Variants in LDLRAD4 observed in about 807,000 individuals in gnomAD.
The protein encoded by LDLRAD4 is low density lipoprotein receptor class A domain containing 4.
In LDLRAD4, 5 loss-of-function variants were observed where a neutral mutation model predicts 17.0. The ratio of observed to expected loss-of-function variants is 0.29; its 90% CI spans 0.15 to 0.62. The LOEUF is 0.62. LDLRAD4 is among the 20% of genes least tolerant of loss of function. The pLI is 0.84. For synonymous variants in LDLRAD4, 168 were observed against 171.8 expected (o/e 0.98, Z 0.17); for missense variants, 340 against 424.7 (o/e 0.80, Z 1.75).
intron 3 of LDLRAD4, among the ~76,000 whole-genome samples, chr18:13,493,984 G>A (rs750858000): frequency 4.6e-5 from 7 of 152,290 alleles, no homozygotes; most frequent in Non-Finnish European, 7.4e-5. Context: ...ATGGTGACGC[G>A]GTGCCGCAAT....
intron 3 of LDLRAD4, among the ~76,000 whole-genome samples, chr18:13,601,330 T>A (rs1351965621): frequency 6.6e-6 from 1 of 152,174 alleles, no homozygotes; most frequent in Non-Finnish European, 1.5e-5. Flanking sequence ...GAACAAACAC[T>A]TCTCAAAAGA....
chr18:13,402,378 A>G (rs779724627), intron 2 of LDLRAD4, among the ~76,000 whole-genome samples: 18 of 152,318 alleles, frequency 1.2e-4, no homozygotes, highest in South Asian at 4.1e-4. Flanking sequence ...ATGGTTCCCC[A>G]GTAGCTCAAT....
In LDLRAD4 at chr18:13,642,587, G is replaced by C. The variant is rs1231723752; in HGVS notation, c.337-772G>C. 9 of 1,228,896 alleles carry C rather than the reference G, an allele frequency of 7.3e-6. No homozygotes were observed. The Admixed American group carries it at 1.7e-4, about 23-fold the overall frequency. The allele number at this position is 1,228,896 out of a possible 1,614,324, so 76.1% of individuals were successfully genotyped here. ...GCTGGAGGATCCTGAGCCCAGGCTC[G>C]GAAAGGGCCGTCCACCTGCGAGCGC... is the stretch of plus-strand genomic sequence containing the variant. On this transcript the variant is annotated intron_variant, in intron 4 of 5. Coordinates refer to ENST00000359446, the Ensembl canonical transcript of LDLRAD4.
chr18:13,531,906 G>A (rs1185067980), intron 3 of LDLRAD4, among the ~76,000 whole-genome samples: 4 of 152,188 alleles, frequency 2.6e-5, no homozygotes, highest in African/African-American at 9.7e-5. Context: ...GCCCTGCTGG[G>A]GGGCGGCCTG....
chr18:13,480,298 T>C (rs1600692777), intron 3 of LDLRAD4, among the ~76,000 whole-genome samples: 1 of 152,210 alleles, frequency 6.6e-6, no homozygotes, highest in African/African-American at 2.4e-5. Flanking sequence ...TACCTGTGAC[T>C]AAGTGAAAGA....
At chr18:13,239,980 A>G (rs371942686) in intron 1 of LDLRAD4, 1 of 151,948 alleles carries the variant, frequency 6.6e-6, no homozygotes, top group African/African-American at 2.4e-5. Flanking sequence ...GGCCCGTGCA[A>G]CTCTCCTCAT....
intron 3 of LDLRAD4, among the ~76,000 whole-genome samples, chr18:13,516,946 C>T (rs116515080): frequency 0.018 from 2,691 of 152,276 alleles, 78 homozygotes; most frequent in African/African-American, 0.063. Context: ...AACTCCTAAC[C>T]TCAAGTGATC....
intron 3 of LDLRAD4, among the ~76,000 whole-genome samples, chr18:13,558,533 C>T (rs1040573107): frequency 4.6e-5 from 7 of 152,142 alleles, no homozygotes; most frequent in East Asian, 1.9e-4. Context: ...AGCTGTAACC[C>T]GAAGAATTGG....
At chr18:13,567,373 CTT>C (rs1225007904) in intron 3 of LDLRAD4, among the ~76,000 whole-genome samples, 1 of 152,200 alleles carries the variant, frequency 6.6e-6, no homozygotes, top group Non-Finnish European at 1.5e-5. Context: ...CCTGGGAGCT[CTT>C]TATAGCTAAT....
chr18:13,436,238 G>A (rs2090645068), intron 2 of LDLRAD4, among the ~76,000 whole-genome samples: 1 of 152,204 alleles, frequency 6.6e-6, no homozygotes, highest in African/African-American at 2.4e-5. Flanking sequence ...TCACTTCCGA[G>A]TTTCCATGTC....
intron 3 of LDLRAD4, among the ~76,000 whole-genome samples, chr18:13,452,633 G>C (rs944438975): frequency 6.6e-6 from 1 of 152,136 alleles, no homozygotes; most frequent in Non-Finnish European, 1.5e-5. Flanking sequence ...GAAAAATACC[G>C]ACATAGGAGG....
chr18:13,493,126 G>A (rs1307992642), intron 3 of LDLRAD4, among the ~76,000 whole-genome samples: 1 of 151,956 alleles, frequency 6.6e-6, no homozygotes, highest in Non-Finnish European at 1.5e-5. Flanking sequence ...TAAAAAAAAA[G>A]GAGAGGATCA....
chr18:13,338,890 C>A (rs1056842904), intron 1 of LDLRAD4, among the ~76,000 whole-genome samples: 1 of 152,006 alleles, frequency 6.6e-6, no homozygotes, highest in Non-Finnish European at 1.5e-5. Context: ...AAGAAGACAA[C>A]GGTGAGTCCA....
intron 1 of LDLRAD4, among the ~76,000 whole-genome samples, chr18:13,262,945 C>T (rs76772210): frequency 1.3e-3 from 117 of 87,956 alleles, no homozygotes; most frequent in East Asian, 5.4e-3. Flanking sequence ...CGGCCCTGTG[C>T]GTGGGGGCTG....
At chr18:13,354,932 G>T (rs567849058) in intron 1 of LDLRAD4, among the ~76,000 whole-genome samples, 1 of 152,274 alleles carries the variant, frequency 6.6e-6, no homozygotes, top group African/African-American at 2.4e-5. Flanking sequence ...AGGAGGTTCT[G>T]CTCTGGAACC....
rs772648431 is a variant in LDLRAD4 at position 13,398,822 on chromosome 18, A to G, written c.40+11060A>G. Among the ~76,000 whole-genome samples, 16 of 152,280 alleles carry G rather than the reference A, an allele frequency of 1.1e-4. No homozygotes were observed. Among genetic ancestry groups the G allele is most frequent in the African/African-American group, 2.6e-4 (11 of 41,572 alleles). ...CCAGCCCACCCTCCCCGGGGGCACT[A>G]TAGCAACCGTGTGTTGTTGCCTGGG... On this transcript the variant is annotated intron_variant, in intron 2 of 5. Coordinates refer to ENST00000359446, the Ensembl canonical transcript of LDLRAD4. This position sits in a 1 kb window ranked among gnomAD's most constrained non-coding sequence, Gnocchi z 4.8.
At chr18:13,452,707 G>A (rs530023268) in intron 3 of LDLRAD4, among the ~76,000 whole-genome samples, 4 of 152,200 alleles carry the variant, frequency 2.6e-5, no homozygotes, top group Non-Finnish European at 4.4e-5. Context: ...AGCTTTCTGC[G>A]TGTATGAACT....
intron 3 of LDLRAD4, among the ~76,000 whole-genome samples, chr18:13,544,674 G>A (rs971584976): frequency 6.6e-6 from 1 of 152,158 alleles, no homozygotes; most frequent in African/African-American, 2.4e-5. Flanking sequence ...ACAACTTACA[G>A]GTAGACCTAA....
intron 3 of LDLRAD4, among the ~76,000 whole-genome samples, chr18:13,518,996 T>C (rs1269449567): frequency 6.6e-6 from 1 of 152,214 alleles, no homozygotes; most frequent in Non-Finnish European, 1.5e-5. Context: ...CAGTGTTCGT[T>C]GTGGGAGCCC....
Sources: allele counts gnomAD v4.1 joint callset (sites outside exome capture counted in the v4.1 genomes callset), GRCh38; gene constraint gnomAD v4.1.1; non-coding constraint Gnocchi (gnomAD v3.1); transcripts MANE v1.5; gene names NCBI Gene and HGNC (gene_info 2026-07-23, HGNC 2026-07-21).